PPP1R15A: variants seen among roughly 807,000 people sequenced by gnomAD.
PPP1R15A encodes growth arrest and DNA damage-inducible protein GADD34.
PPP1R15A carries 43 observed loss-of-function variants against 48.5 expected under a neutral mutation model. The ratio of observed to expected loss-of-function variants is 0.89; its 90% CI spans 0.69 to 1.14. PPP1R15A has a LOEUF of 1.14. PPP1R15A is among the 50% of genes most tolerant of loss of function. The pLI is 0.00. For missense variants in PPP1R15A, 868 were observed against 847.2 expected, an observed-to-expected ratio of 1.02 and a Z score of -0.30; for synonymous variants, 327 against 327.4, an observed-to-expected ratio of 1.00 and a Z score of 0.01.
Position 48,875,902 on chromosome 19 carries a change from G to C in PPP1R15A, c.1954G>C (p.Ala652Pro). 1 of 1,614,020 alleles carries C rather than the reference G, an allele frequency of 6.2e-7. No homozygotes were observed. The highest frequency in any genetic ancestry group is 8.5e-7 in the Non-Finnish European group (1 of 1,179,902). The stretch of plus-strand genomic sequence containing the variant: ...AGTCCAGACCACGCCCTTGAGCCAA[G>C]CTGTGGCCACACCTTCCCGCTCGTC... ...SPVQTTPLSQ[A>P]VATPSRSSAA... is the part of the protein sequence containing the mutation. Residue 652 changes from alanine to proline, a missense_variant, in exon 3 of 3, where the codon GCT becomes CCT. Ala to Pro is a conservative substitution (Grantham distance 27, BLOSUM62 -1). Coordinates refer to ENST00000200453, the MANE Select transcript of PPP1R15A (RefSeq NM_014330.5).
In PPP1R15A at chr19:48,874,838, C is replaced by G. The variant is rs34457521; in HGVS notation, c.1605C>G (p.Leu535=). 5.6e-6 allele frequency: 9 copies of G among 1,611,702 alleles called. No individual in the cohort carries two copies. Among genetic ancestry groups the G allele is most frequent in the South Asian group, 1.1e-5 (1 of 91,040 alleles). The change falls in exon 2 of 3, where the codon CTC becomes CTG. Residue 535 remains leucine, a synonymous_variant. Coordinates refer to ENST00000200453, the MANE Select transcript of PPP1R15A (RefSeq NM_014330.5). ...TGCCCCTCCGACTGCAAAGGCGGCT[C>G]AAGCGCCCAGAAACCCCTACTCATG... The part of the protein sequence containing the change: ...PRLPLRLQRR[L]KRPETPTHDP...
rs368648855 is a variant in PPP1R15A at position 48,873,644 on chromosome 19, C to G, written c.411C>G (p.Gly137=). Residue 137 remains glycine (G), a synonymous_variant, in exon 2 of 3, where the codon GGC becomes GGG. Coordinates refer to ENST00000200453, the MANE Select transcript of PPP1R15A (RefSeq NM_014330.5). ...PRGQGSQFAD[G]QRAPLSPSLL... is the part of the protein sequence containing the mutation. ...GGCAGGGAAGTCAATTTGCAGATGG[C>G]CAGCGTGCTCCCCTGTCTCCCAGCC... 8.7e-6 allele frequency: 14 copies of G among 1,614,104 alleles called. No homozygotes were observed. In the African/African-American group the frequency reaches 1.7e-4, roughly 20 times the overall value.
In PPP1R15A at chr19:48,874,589, T is replaced by C; in HGVS notation, c.1356T>C (p.Asp452=). Residue 452 remains aspartate, a synonymous_variant, in exon 2 of 3, where the codon GAT becomes GAC. Coordinates refer to ENST00000200453, the MANE Select transcript of PPP1R15A (RefSeq NM_014330.5). ...EEEDEDVDSE[D]KEDDSEAALG... is the part of the protein sequence containing the mutation. The stretch of plus-strand genomic sequence containing the variant: ...AAGATGAGGATGTGGATAGTGAGGA[T>C]AAGGAAGATGATTCAGAAGCAGCCT... 24 of 1,613,986 alleles carry C rather than the reference T, an allele frequency of 1.5e-5. No homozygotes were observed. Among genetic ancestry groups the C allele is most frequent in the Non-Finnish European group, 2.0e-5 (24 of 1,179,976 alleles).
rs2123253294 is a variant in PPP1R15A, at chr19:48,876,039, A to G, written c.*66A>G. On this transcript the variant is annotated 3_prime_UTR_variant, in exon 3 of 3. Transcript: ENST00000200453. ...TTCTAAGTGTGGGTTTATATAAGGA[A>G]TAAAGCCTTTTGATTTGTAGCGAGC... The G allele has an allele frequency of 1.4e-6, 2 of 1,474,210 alleles. No individual in the cohort carries two copies. Among genetic ancestry groups the G allele is most frequent in the East Asian group, 2.3e-5 (1 of 42,834 alleles). The allele number at this position is 1,474,210 out of a possible 1,614,324, so 91.3% of individuals were successfully genotyped here. A position where few individuals can be genotyped will look rare whatever the true frequency, so the allele number is the denominator to read the frequency against.
chr19:48,873,445 C>A lies in PPP1R15A; in HGVS notation c.212C>A (p.Pro71His), dbSNP rs1198309581. The A allele has an allele frequency of 6.2e-7, 1 of 1,613,566 alleles. No homozygotes were observed. The highest frequency in any genetic ancestry group is 2.2e-5 in the East Asian group (1 of 44,890). ...EGEARTPLAI[P>H]HTPWGRRPEE... Reference sequence around the variant, plus strand: ...GAAGCTAGGACTCCTCTGGCAATCCCCCATACCCCTTGGGGCAGACGCCCT... The same window carrying A: ...GAAGCTAGGACTCCTCTGGCAATCCACCATACCCCTTGGGGCAGACGCCCT... The change falls in exon 2 of 3, where the codon CCC (proline) becomes CAC (histidine). Residue 71 changes from proline (P) to histidine (H), a missense_variant. Coordinates refer to ENST00000200453, the MANE Select transcript of PPP1R15A (RefSeq NM_014330.5).
chr19:48,874,970 G>A (rs554889185), intron 2 of PPP1R15A, 72 bp downstream of exon 2: 10 of 1,422,394 alleles, frequency 7.0e-6, no homozygotes, highest in Admixed American at 5.5e-5. Context: ...CTGTCACCCA[G>A]GCTGGAGTGC....
Position 48,873,682 on chromosome 19 carries a change from C to G in PPP1R15A, c.449C>G (p.Thr150Arg). 1.9e-6 allele frequency: 3 copies of G among 1,614,148 alleles called. No homozygotes were observed. Among genetic ancestry groups the G allele is most frequent in the Non-Finnish European group, 2.5e-6 (3 of 1,180,040 alleles). The change falls in exon 2 of 3, where the codon ACA becomes AGA. Residue 150 changes from threonine to arginine, a missense_variant. Transcript: ENST00000200453. ...APLSPSLLIR[T>R]LQGSDKNPGE... ...CTGTCTCCCAGCCTTCTGATAAGGA[C>G]ACTGCAAGGTTCTGATAAGAACCCA...
chr19:48,873,310 T>C lies in PPP1R15A; in HGVS notation c.77T>C (p.Met26Thr). The change falls in exon 2 of 3, where the codon ATG becomes ACG. Residue 26 changes from methionine (M) to threonine (T), a missense_variant. By Grantham distance (81) the Met-to-Thr change is moderately conservative (BLOSUM62 -1). Coordinates refer to ENST00000200453, the MANE Select transcript of PPP1R15A (RefSeq NM_014330.5). Reference sequence around the variant, plus strand: ...CCTTTCTTCCTCCTGTCCCCAGTGATGGGCCTCCTCAGCCGCGCCTGGAGC... The same window carrying C: ...CCTTTCTTCCTCCTGTCCCCAGTGACGGGCCTCCTCAGCCGCGCCTGGAGC... ...AHPFFLLSPV[M>T]GLLSRAWSRL... 6.2e-7 allele frequency: 1 copy of C among 1,603,070 alleles called. No homozygotes were observed. Among genetic ancestry groups the C allele is most frequent in the Non-Finnish European group, 8.5e-7 (1 of 1,176,098 alleles).
rs1406163119 is a variant in PPP1R15A at position 48,874,586 on chromosome 19, G to A, written c.1353G>A (p.Glu451=). ...AGGAAGATGAGGATGTGGATAGTGAGGATAAGGAAGATGATTCAGAAGCAG... is the reference window on the plus strand; with the variant it reads ...AGGAAGATGAGGATGTGGATAGTGAAGATAAGGAAGATGATTCAGAAGCAG... The part of the protein sequence containing the change: ...EEEEDEDVDS[E]DKEDDSEAAL... The change falls in exon 2 of 3, where the codon GAG becomes GAA. Residue 451 remains glutamate (E), a synonymous_variant. Transcript: ENST00000200453. The A allele has an allele frequency of 6.2e-7, 1 of 1,614,192 alleles. No homozygotes were observed.
Position 48,874,350 on chromosome 19 carries a change from G to A in PPP1R15A, c.1117G>A (p.Ala373Thr). The change falls in exon 2 of 3, where the codon GCT becomes ACT. Residue 373 changes from alanine to threonine, a missense_variant. Ala to Thr is a moderately conservative substitution (Grantham distance 58). Coordinates refer to ENST00000200453, the MANE Select transcript of PPP1R15A (RefSeq NM_014330.5). ...DSGSDEEEGE[A>T]EASSSTPATG... ...TGGATCAGATGAGGAAGAGGGAGAA[G>A]CTGAGGCTTCCTCTTCCACTCCTGC... 1 of 1,613,948 alleles carries A rather than the reference G, an allele frequency of 6.2e-7. No homozygotes were observed. The highest frequency in any genetic ancestry group is 8.5e-7 in the Non-Finnish European group (1 of 1,179,950).
In PPP1R15A at chr19:48,873,293, C is replaced by T. The variant is rs1380629431; in HGVS notation, c.60C>T (p.Phe20=). Residue 20 remains phenylalanine (F), a synonymous_variant, in exon 2 of 3, where the codon TTC becomes TTT. Transcript: ENST00000200453. ...ATPWRDAHPF[F]LLSPVMGLLS... ...CGTGGAGGGATGCCCACCCTTTCTTCCTCCTGTCCCCAGTGATGGGCCTCC... is the reference window on the plus strand; with the variant it reads ...CGTGGAGGGATGCCCACCCTTTCTTTCTCCTGTCCCCAGTGATGGGCCTCC... 3 of 1,582,524 alleles carry T rather than the reference C, an allele frequency of 1.9e-6. No homozygotes were observed. The South Asian group carries it at 3.4e-5, about 18-fold the overall frequency.
At position 48,873,975 on chromosome 19, in the gene PPP1R15A, G is replaced by A. The variant is rs574085051; in HGVS notation, c.742G>A (p.Val248Met). 20 of 1,614,110 alleles carry A rather than the reference G, an allele frequency of 1.2e-5. No homozygotes were observed. The highest frequency in any genetic ancestry group is 2.7e-5 in the African/African-American group (2 of 75,016). Reference protein sequence around the residue: ...ERSKGARKTSVSPRSSGSDPR... With the variant: ...ERSKGARKTSMSPRSSGSDPR... ...AAGTAAAGGAGCCAGGAAGACCTCC[G>A]TGTCCCCCCGATCTTCAGGCTCCGA... is the stretch of plus-strand genomic sequence containing the variant. Residue 248 changes from valine to methionine, a missense_variant, in exon 2 of 3, where the codon GTG (valine) becomes ATG (methionine). By Grantham distance (21) the Val-to-Met change is conservative. Transcript: ENST00000200453.
chr19:48,875,461 G>A (rs1376399684), intron 2 of PPP1R15A, 153 bp from the exon 3 acceptor site: 4 of 1,039,350 alleles, frequency 3.8e-6, no homozygotes, highest in South Asian at 1.7e-5. Context: ...AGAGAATCCC[G>A]TGACAGTGAC....
rs144473195 is a variant in PPP1R15A at position 48,873,723 on chromosome 19, G to A, written c.490G>A (p.Glu164Lys). The A allele has an allele frequency of 8.2e-5, 132 of 1,613,964 alleles. No individual in the cohort carries two copies. The highest frequency in any genetic ancestry group is 1.0e-4 in the Non-Finnish European group (122 of 1,180,024). The part of the protein sequence containing the change: ...SDKNPGEEKA[E>K]EEGVAEEEGV... The stretch of plus-strand genomic sequence containing the variant: ...TAAGAACCCAGGGGAGGAGAAAGCC[G>A]AGGAAGAGGGAGTTGCTGAAGAGGA... Residue 164 changes from glutamate (E) to lysine (K), a missense_variant, in exon 2 of 3, where the codon GAG becomes AAG. Glu to Lys is a moderately conservative substitution (Grantham distance 56). Transcript: ENST00000200453.
rs2037051354 is a variant in PPP1R15A at position 48,874,337 on chromosome 19, G to A, written c.1104G>A (p.Glu368=). Residue 368 remains glutamate (E), a synonymous_variant, in exon 2 of 3, where the codon GAG becomes GAA. Transcript: ENST00000200453. ...EDEDSDSGSD[E]EEGEAEASSS... ...AGGACAGTGACTCTGGATCAGATGAGGAAGAGGGAGAAGCTGAGGCTTCCT... is the reference window on the plus strand; with the variant it reads ...AGGACAGTGACTCTGGATCAGATGAAGAAGAGGGAGAAGCTGAGGCTTCCT... 1.9e-6 allele frequency: 3 copies of A among 1,613,080 alleles called. No homozygotes were observed. The highest frequency in any genetic ancestry group is 2.2e-5 in the South Asian group (2 of 91,042).
In PPP1R15A at chr19:48,875,717, G is replaced by A. The variant is rs1206542515; in HGVS notation, c.1769G>A (p.Ser590Asn). 1 of 1,612,826 alleles carries A rather than the reference G, an allele frequency of 6.2e-7. No homozygotes were observed. The highest frequency in any genetic ancestry group is 1.7e-5 in the Admixed American group (1 of 59,990). The change falls in exon 3 of 3, where the codon AGC (serine) becomes AAC (asparagine). Residue 590 changes from serine (S) to asparagine (N), a missense_variant. By Grantham distance (46) the Ser-to-Asn change is conservative. Coordinates refer to ENST00000200453, the MANE Select transcript of PPP1R15A (RefSeq NM_014330.5). The stretch of plus-strand genomic sequence containing the variant: ...TGGGAGCAGCTTGCTCGGGATCGCA[G>A]CCGCTTCGCACGCCGCATCACCCAG... ...GPWEQLARDR[S>N]RFARRITQAQ...
At chr19:48,873,196 A>G in intron 1 of PPP1R15A, 29 bp from the exon 2 acceptor site, 1 of 1,451,364 alleles carries the variant, frequency 6.9e-7, no homozygotes, top group South Asian at 1.5e-5. Flanking sequence ...ATGGCCCCTA[A>G]ACTTTATTTT....
rs1171604322 is a variant in PPP1R15A, at chr19:48,875,659, GCAGGGCCGGCCCAGGCCGCCCGC to G, written c.1719_1741del (p.Ala574LeufsTer104). The G allele has an allele frequency of 2.5e-6, 4 of 1,609,124 alleles. No homozygotes were observed. Among genetic ancestry groups the G allele is most frequent in the African/African-American group, 2.7e-5 (2 of 74,750 alleles). ...CACTGTCCATTTCCTGGCTGTCTGG[GCAGGGCCGGCCCAGGCCGCCCGC>G]CAGGGCCCCTGGGAGCAGCTTGCTC... On this transcript the variant is annotated frameshift_variant, in exon 3 of 3. Coordinates refer to ENST00000200453, the MANE Select transcript of PPP1R15A (RefSeq NM_014330.5). LOFTEE classifies it low-confidence loss of function (END_TRUNC).
In PPP1R15A at chr19:48,875,766, C is replaced by T; in HGVS notation, c.1818C>T (p.Cys606=). The change falls in exon 3 of 3, where the codon TGC becomes TGT. Residue 606 remains cysteine (C), a synonymous_variant. Transcript: ENST00000200453. ...AGGCCCAGGAGGAGCTGAGCCCCTG[C>T]CTCACCCCTGCTGCCCGGGCCAGAG... ...ITQAQEELSP[C]LTPAARARAW... The T allele has an allele frequency of 1.2e-6, 2 of 1,613,596 alleles. No individual in the cohort carries two copies. Among genetic ancestry groups the T allele is most frequent in the Non-Finnish European group, 1.7e-6 (2 of 1,179,606 alleles).
Sources: allele counts gnomAD v4.1 joint callset, GRCh38; gene constraint gnomAD v4.1.1; transcripts MANE v1.5; gene names NCBI Gene and HGNC (gene_info 2026-07-23, HGNC 2026-07-21).